Variants in MED4 observed in about 807,000 individuals in gnomAD.
MED4 encodes the protein mediator complex subunit 4.
A neutral mutation model predicts 35.0 loss-of-function variants in MED4; 21 were observed. The observed-to-expected ratio is 0.60, with a 90% confidence interval of 0.43 to 0.86. MED4 has a LOEUF of 0.86. Ranked by LOEUF, MED4 falls within the 40% of genes least tolerant of loss-of-function variation. The pLI is 0.00. For missense variants in MED4, 300 were observed against 319.4 expected (o/e 0.94, Z 0.46); for synonymous variants, 138 against 114.0 (o/e 1.21, Z -1.34).
chr13:48,087,385 A>AT (rs2137836903), intron 2 of MED4, among the ~76,000 whole-genome samples: 1 of 152,226 alleles, frequency 6.6e-6, no homozygotes, highest in African/African-American at 2.4e-5. Flanking sequence ...ATGTATATAT[A>AT]AATAATGAAA....
intron 2 of MED4, among the ~76,000 whole-genome samples, chr13:48,089,723 C>T (rs573295854): frequency 6.6e-6 from 1 of 152,288 alleles, no homozygotes; most frequent in East Asian, 1.9e-4. Context: ...GCACTCTAGC[C>T]TGGGCTACAG....
At chr13:48,088,624 C>T (rs1950869541) in intron 2 of MED4, among the ~76,000 whole-genome samples, 1 of 152,092 alleles carries the variant, frequency 6.6e-6, no homozygotes, top group African/African-American at 2.4e-5. Context: ...GTATACTACC[C>T]ATGAGTAAAA....
At position 48,076,588 on chromosome 13, in the gene MED4, AAACAAATTT is replaced by A. The variant is rs1950760575; in HGVS notation, c.*542_*550del. 7.4e-6 allele frequency: 1 copy of A among 135,962 alleles called. No homozygotes were observed. Among genetic ancestry groups the A allele is most frequent in the South Asian group, 2.7e-4 (1 of 3,748 alleles). 8.4% of individuals were successfully genotyped at this position (135,962 alleles called of 1,614,324 possible). On this transcript the variant is annotated 3_prime_UTR_variant, in exon 7 of 7. Transcript: ENST00000258648. ...ACTAAAAAAAAAGCATACAATGTAC[AAACAAATTT>A]ATTTACAAAAATTACAATTACAAAC... is the stretch of plus-strand genomic sequence containing the variant.
intron 3 of MED4, among the ~76,000 whole-genome samples, chr13:48,084,513 T>C (rs1950835626): frequency 6.6e-6 from 1 of 152,200 alleles, no homozygotes; most frequent in Non-Finnish European, 1.5e-5. Context: ...TGAAATTCAG[T>C]TTTATGGTCC....
At chr13:48,090,496 T>G in intron 1 of MED4, 78 bp from the exon 2 acceptor site, 1 of 1,134,452 alleles carries the variant, frequency 8.8e-7, no homozygotes, top group Non-Finnish European at 1.3e-6. Context: ...TACAGTCCGC[T>G]ATTGACTGTG....
rs1186450334 is a variant in MED4, at chr13:48,095,039, G to A, written c.40C>T (p.Leu14=). 4 of 1,606,168 alleles carry A rather than the reference G, an allele frequency of 2.5e-6. No individual in the cohort carries two copies. In the African/African-American group the frequency reaches 4.0e-5, roughly 16 times the overall value. The change falls in exon 1 of 7, where the codon CTG becomes TTG. Residue 14 remains leucine (L), a synonymous_variant. Coordinates refer to ENST00000258648, the MANE Select transcript of MED4 (RefSeq NM_014166.4). The part of the protein sequence containing the change: ...SSSGEKEKER[L]GGGLGVAGGN... ...CCCGCCACTCCCAAACCGCCTCCCAGCCGCTCCTTCTCCTTCTCACCACTC... is the reference window on the plus strand; with the variant it reads ...CCCGCCACTCCCAAACCGCCTCCCAACCGCTCCTTCTCCTTCTCACCACTC...
intron 6 of MED4, among the ~76,000 whole-genome samples, chr13:48,079,223 T>C (rs1204672837): frequency 1.3e-5 from 2 of 152,204 alleles, no homozygotes; most frequent in African/African-American, 4.8e-5. Flanking sequence ...CAGGAGTGTG[T>C]TCACTTTATT....
At chr13:48,082,770 T>A (rs957587435) in intron 4 of MED4, among the ~76,000 whole-genome samples, 1 of 150,394 alleles carries the variant, frequency 6.6e-6, no homozygotes, top group East Asian at 2.0e-4. Context: ...GAGCTTGCAG[T>A]GCGCCGAGAT....
chr13:48,093,563 T>C (rs1334512862), intron 1 of MED4: 2 of 430,258 alleles, frequency 4.6e-6, no homozygotes, highest in Non-Finnish European at 9.8e-6. Flanking sequence ...AGTGAACACA[T>C]GAGACCTTTC....
rs529674381 is a variant in MED4 at position 48,079,582 on chromosome 13, A to C, written c.640+262T>G. ...GAGCGAAACCCCATATCCACTAAAA[A>C]TACAAAAATTAGCCAGGCCTGGTGG... On this transcript the variant is annotated intron_variant, in intron 6 of 6. Transcript: ENST00000258648. Among the ~76,000 whole-genome samples, 79 of 152,236 alleles carry C rather than the reference A, an allele frequency of 5.2e-4. 1 individual carries two copies. Among genetic ancestry groups the C allele is most frequent in the African/African-American group, 1.6e-3 (67 of 41,520 alleles).
At chr13:48,089,398 A>G (rs1176026524) in intron 2 of MED4, among the ~76,000 whole-genome samples, 17 of 152,088 alleles carry the variant, frequency 1.1e-4, no homozygotes, top group Admixed American at 1.0e-3. Context: ...CCTTTACATC[A>G]TCTTTAGAAA....
chr13:48,094,837 CT>C, intron 1 of MED4, 116 bp downstream of exon 1: 5 of 1,450,652 alleles, frequency 3.4e-6, no homozygotes, highest in Non-Finnish European at 4.6e-6. Context: ...GCACCCGAAA[CT>C]CCCGAGCTGG....
chr13:48,091,499 G>A (rs939694622), intron 1 of MED4, among the ~76,000 whole-genome samples: 5 of 152,062 alleles, frequency 3.3e-5, no homozygotes, highest in Non-Finnish European at 7.4e-5. Context: ...CTTCCAGCTA[G>A]CATCATATCA....
chr13:48,087,637 G>T (rs1309584595), intron 2 of MED4, among the ~76,000 whole-genome samples: 1 of 152,036 alleles, frequency 6.6e-6, no homozygotes, highest in Non-Finnish European at 1.5e-5. Context: ...GGATCACAAG[G>T]TCAGGAGTTT....
chr13:48,080,962 T>C (rs995347361), intron 5 of MED4, among the ~76,000 whole-genome samples: 3 of 152,210 alleles, frequency 2.0e-5, no homozygotes, highest in African/African-American at 7.2e-5. Context: ...CAGATTTGGA[T>C]TGACTTTTTG....
chr13:48,086,304 A>G lies in MED4; in HGVS notation c.341T>C (p.Leu114Pro), dbSNP rs2137835658. The change falls in exon 3 of 7, where the codon CTA becomes CCA. Residue 114 changes from leucine (L) to proline (P), a missense_variant. Coordinates refer to ENST00000258648, the MANE Select transcript of MED4 (RefSeq NM_014166.4). Reference sequence around the variant, plus strand: ...TACCAGTATTTGTTCTGCTTCCTTTAGCTGTTTTTGTAGCTGCTGAATATC... The same window carrying G: ...TACCAGTATTTGTTCTGCTTCCTTTGGCTGTTTTTGTAGCTGCTGAATATC... ...DSDIQQLQKQ[L>P]KEAEQILATA... 1.2e-6 allele frequency: 2 copies of G among 1,613,818 alleles called. No individual in the cohort carries two copies. The highest frequency in any genetic ancestry group is 1.7e-6 in the Non-Finnish European group (2 of 1,179,900).
At chr13:48,085,711 A>G (rs1318759106) in intron 3 of MED4, among the ~76,000 whole-genome samples, 1 of 152,198 alleles carries the variant, frequency 6.6e-6, no homozygotes, top group Non-Finnish European at 1.5e-5. Flanking sequence ...GTTAGTATTT[A>G]GTGAAGTAAC....
chr13:48,079,488 T>G (rs943368984), intron 6 of MED4, among the ~76,000 whole-genome samples: 2 of 152,056 alleles, frequency 1.3e-5, no homozygotes, highest in African/African-American at 4.8e-5. Context: ...CACCTGTAAT[T>G]CCAGTACTTT....
rs201166877 is a variant in MED4 at position 48,093,376 on chromosome 13, G to GA, written c.125+1577dup. Among the ~76,000 whole-genome samples, 592 of 150,376 alleles carry GA rather than the reference G, an allele frequency of 3.9e-3. 1 individual carries two copies. Among genetic ancestry groups the GA allele is most frequent in the Non-Finnish European group, 6.3e-3 (427 of 67,516 alleles). ...GAAAGGCTATATAATCAGGTTAATA[G>GA]AAAAAAAAAGATCCTAAGTTATAAA... On this transcript the variant is annotated intron_variant, in intron 1 of 6. Transcript: ENST00000258648.
Sources: gnomAD v4.1 joint callset for allele counts (sites outside exome capture counted in the v4.1 genomes callset) on GRCh38, gnomAD v4.1.1 for gene constraint, MANE v1.5 for transcripts, NCBI Gene and HGNC (gene_info 2026-07-23, HGNC 2026-07-21) for gene names.